The following ZFAND3 variants were observed in gnomAD, a reference collection of about 807,000 sequenced individuals.
ZFAND3 encodes the protein zinc finger AN1-type containing 3.
A neutral mutation model predicts 29.6 loss-of-function variants in ZFAND3; 10 were observed. The observed-to-expected ratio is 0.34, with a 90% CI of 0.21 to 0.57. The LOEUF is 0.57. ZFAND3 is among the 20% of genes least tolerant of loss of function. ZFAND3 has a pLI of 0.86. For synonymous variants in ZFAND3, 128 were observed against 112.6 expected (o/e 1.14, Z -0.87); for missense variants, 230 against 304.5 (o/e 0.76, Z 1.82).
intron 2 of ZFAND3, among the ~76,000 whole-genome samples, chr6:37,982,064 C>T (rs549794915): frequency 6.6e-6 from 1 of 152,206 alleles, no homozygotes; most frequent in Non-Finnish European, 1.5e-5. Flanking sequence ...CTTAGTCTGG[C>T]TTAGTGAAAC....
In ZFAND3 at chr6:38,090,579, G is replaced by A. The variant is rs529088955; in HGVS notation, c.361+8122G>A. 1.2e-4 allele frequency among the ~76,000 whole-genome samples: 19 copies of A among 152,302 alleles called. No individual in the cohort carries two copies. The South Asian group carries it at 3.7e-3, about 30-fold the overall frequency. On this transcript the variant is annotated intron_variant, in intron 4 of 5. Transcript: ENST00000287218. ...TGACCATGTTTTGCCACAGAAAGCA[G>A]TTCTCACCAAAGTTTATCATGGCAT...
At chr6:37,919,740 G>T (rs1351482663) in intron 1 of ZFAND3, among the ~76,000 whole-genome samples, 2 of 152,124 alleles carry the variant, frequency 1.3e-5, no homozygotes, top group Admixed American at 6.6e-5. Context: ...GCTACTATTT[G>T]TAATCACTCT....
chr6:38,085,640 A>G (rs1764743165), intron 4 of ZFAND3, among the ~76,000 whole-genome samples: 1 of 152,130 alleles, frequency 6.6e-6, no homozygotes, highest in African/African-American at 2.4e-5. Context: ...AGGTCTTATT[A>G]TGTTGCCCAG....
intron 4 of ZFAND3, among the ~76,000 whole-genome samples, chr6:38,107,641 G>C (rs1259308402): frequency 6.6e-6 from 1 of 152,186 alleles, no homozygotes; most frequent in African/African-American, 2.4e-5. Context: ...AGACCAGCCT[G>C]GGCAACATGG....
chr6:38,005,510 G>A lies in ZFAND3; in HGVS notation c.113-56083G>A, dbSNP rs148590358. On this transcript the variant is annotated intron_variant, in intron 2 of 5. Transcript: ENST00000287218. ...TTTCTAGATCAGAATCATGTAATGT[G>A]GTAGAAGGAGCTCTTAAGTAGGATT... Among the ~76,000 whole-genome samples the A allele has an allele frequency of 7.2e-3, 1,090 of 152,248 alleles. 3 individuals are homozygous for A. Among genetic ancestry groups the A allele is most frequent in the Non-Finnish European group, 0.011 (780 of 68,006 alleles).
At chr6:38,008,576 G>A (rs539381526) in intron 2 of ZFAND3, among the ~76,000 whole-genome samples, 5 of 152,184 alleles carry the variant, frequency 3.3e-5, no homozygotes, top group South Asian at 2.1e-4. Context: ...GCATGAGAAC[G>A]CCACTGTGGA....
At chr6:38,033,762 A>G (rs1376503465) in intron 2 of ZFAND3, among the ~76,000 whole-genome samples, 2 of 152,170 alleles carry the variant, frequency 1.3e-5, no homozygotes, top group Non-Finnish European at 2.9e-5. Context: ...AGAAGCAGGT[A>G]GATTTTCATG....
At chr6:38,124,298 G>A (rs1765588847) in intron 5 of ZFAND3, among the ~76,000 whole-genome samples, 1 of 152,244 alleles carries the variant, frequency 6.6e-6, no homozygotes, top group African/African-American at 2.4e-5. Flanking sequence ...CGCAGGTGGA[G>A]CTGCCTGCCA....
intron 1 of ZFAND3, among the ~76,000 whole-genome samples, chr6:37,912,379 A>G (rs141856796): frequency 6.6e-6 from 1 of 152,306 alleles, no homozygotes; most frequent in East Asian, 1.9e-4. Context: ...AGAATACCTG[A>G]TGGTTCAGGA....
At chr6:37,847,953 G>A (rs571286518) in intron 1 of ZFAND3, among the ~76,000 whole-genome samples, 5 of 152,352 alleles carry the variant, frequency 3.3e-5, no homozygotes, top group East Asian at 1.9e-4. Context: ...TGACAGAGAT[G>A]TAGTGGCCTA....
At chr6:38,043,927 G>A (rs945617696) in intron 2 of ZFAND3, among the ~76,000 whole-genome samples, 2 of 152,034 alleles carry the variant, frequency 1.3e-5, no homozygotes, top group South Asian at 2.1e-4. Context: ...ACAGGTGTGA[G>A]CCCCTGCGCC....
intron 2 of ZFAND3, among the ~76,000 whole-genome samples, chr6:37,989,620 G>A (rs939255290): frequency 3.3e-5 from 5 of 152,128 alleles, no homozygotes; most frequent in Non-Finnish European, 5.9e-5. Flanking sequence ...CATTCAGTCC[G>A]TAGCAATAGA....
chr6:37,908,920 T>C (rs1765466870), intron 1 of ZFAND3, among the ~76,000 whole-genome samples: 2 of 152,172 alleles, frequency 1.3e-5, no homozygotes, highest in South Asian at 4.1e-4. Context: ...TTGAAATAAT[T>C]ATTACATTGG....
At chr6:37,998,361 TCCAG>T (rs1266192750) in intron 2 of ZFAND3, among the ~76,000 whole-genome samples, 4 of 152,118 alleles carry the variant, frequency 2.6e-5, no homozygotes, top group Non-Finnish European at 5.9e-5. Context: ...TTCTGTATGA[TCCAG>T]TGGAATAGTG....
intron 5 of ZFAND3, among the ~76,000 whole-genome samples, chr6:38,149,494 T>G (rs1766179093): frequency 6.6e-6 from 1 of 151,844 alleles, no homozygotes; most frequent in Non-Finnish European, 1.5e-5. Context: ...ATAAGGTGTT[T>G]TGGGCTGGTA....
chr6:37,896,777 C>T (rs1263736543), intron 1 of ZFAND3, among the ~76,000 whole-genome samples: 2 of 151,394 alleles, frequency 1.3e-5, no homozygotes, highest in African/African-American at 4.9e-5. Flanking sequence ...GATGAGTGCT[C>T]CTTCTCTTGC....
At chr6:37,942,292 AG>A (rs1177491282) in intron 2 of ZFAND3, among the ~76,000 whole-genome samples, 1 of 148,180 alleles carries the variant, frequency 6.7e-6, no homozygotes, top group African/African-American at 2.5e-5. Context: ...TTTGAAAAGA[AG>A]GGTAAAGTTT....
chr6:37,988,968 G>A (rs1181115455), intron 2 of ZFAND3, among the ~76,000 whole-genome samples: 2 of 151,802 alleles, frequency 1.3e-5, no homozygotes, highest in South Asian at 2.1e-4. Context: ...GCAGTGGTGC[G>A]GTCTCAGCTC....
intron 5 of ZFAND3, among the ~76,000 whole-genome samples, chr6:38,122,294 C>G (rs771601425): frequency 6.6e-6 from 1 of 152,102 alleles, no homozygotes; most frequent in Non-Finnish European, 1.5e-5. Context: ...CCTAGAATAC[C>G]TAATACAATG....
Sources: allele counts gnomAD v4.1 joint callset (sites outside exome capture counted in the v4.1 genomes callset), GRCh38; gene constraint gnomAD v4.1.1; transcripts MANE v1.5; gene names NCBI Gene and HGNC (gene_info 2026-07-23, HGNC 2026-07-21).